Variants in PTH2R observed in about 807,000 individuals in gnomAD.
PTH2R encodes the protein PTH2 receptor.
PTH2R carries 59 observed loss-of-function variants against 60.3 expected under a neutral mutation model. The observed-to-expected ratio is 0.98, with a 90% CI of 0.79 to 1.22. The LOEUF (loss-of-function observed/expected upper bound fraction) is 1.22, where lower values mean the gene tolerates loss of function less well. Ranked by LOEUF, PTH2R falls within the 50% of genes most tolerant of loss-of-function variation. The probability of loss-of-function intolerance (pLI) is 0.00; values close to 1 mark genes in which losing one functional copy is unlikely to be tolerated. For synonymous variants in PTH2R, 256 were observed against 243.8 expected (o/e 1.05, Z -0.47); for missense variants, 749 against 682.6 (o/e 1.10, Z -1.08).
intron 1 of PTH2R, among the ~76,000 whole-genome samples, chr2:208,408,859 T>G (rs1701481430): frequency 6.6e-6 from 1 of 152,126 alleles, no homozygotes; most frequent in African/African-American, 2.4e-5. Context: ...TTCTATAACT[T>G]TAAACCAGGA....
intron 7 of PTH2R, among the ~76,000 whole-genome samples, chr2:208,448,425 C>A (rs181812111): frequency 6.6e-6 from 1 of 151,334 alleles, no homozygotes; most frequent in African/African-American, 2.4e-5. Context: ...CTGAGGTGGG[C>A]GGATCATGAG....
rs1331436029 is a variant in PTH2R at position 208,443,882 on chromosome 2, A to G, written c.699+345A>G. On this transcript the variant is annotated intron_variant, in intron 6 of 12. Transcript: ENST00000272847. The stretch of plus-strand genomic sequence containing the variant: ...CCATCAGCAAAACCAGAAGCTTGCA[A>G]TTTAAAAGCCCATGATATTTAGTCC... Among the ~76,000 whole-genome samples the G allele has an allele frequency of 5.3e-5, 8 of 152,332 alleles. No homozygotes were observed. In the East Asian group the frequency reaches 1.5e-3, roughly 29 times the overall value.
chr2:208,362,879 A>G (rs1014266845), intron 1 of PTH2R, among the ~76,000 whole-genome samples: 2 of 151,754 alleles, frequency 1.3e-5, no homozygotes, highest in Non-Finnish European at 2.9e-5. Context: ...GGCTGTCCTA[A>G]TGGGTGTGAG....
At chr2:208,420,191 C>T (rs940869712) in intron 1 of PTH2R, among the ~76,000 whole-genome samples, 8 of 151,258 alleles carry the variant, frequency 5.3e-5, no homozygotes, top group Non-Finnish European at 8.8e-5. Flanking sequence ...TGCTAAATGA[C>T]GAGTTAATGG....
intron 1 of PTH2R, among the ~76,000 whole-genome samples, chr2:208,412,803 A>G (rs953751385): frequency 1.3e-5 from 2 of 152,204 alleles, no homozygotes; most frequent in African/African-American, 4.8e-5. Flanking sequence ...TGTTTTTACT[A>G]TATACATATA....
At chr2:208,389,832 T>C (rs1701074035) in intron 1 of PTH2R, among the ~76,000 whole-genome samples, 1 of 152,202 alleles carries the variant, frequency 6.6e-6, no homozygotes, top group South Asian at 2.1e-4. Flanking sequence ...GTTTGTTTTC[T>C]AAACTACTGT....
chr2:208,367,836 C>T (rs1700622505), intron 1 of PTH2R, among the ~76,000 whole-genome samples: 1 of 152,184 alleles, frequency 6.6e-6, no homozygotes, highest in Non-Finnish European at 1.5e-5. Flanking sequence ...GCAACCAAAG[C>T]AAACAGGGTG....
intron 1 of PTH2R, among the ~76,000 whole-genome samples, chr2:208,423,040 C>A (rs534488205): frequency 1.1e-3 from 167 of 152,138 alleles, no homozygotes; most frequent in African/African-American, 2.9e-3. Context: ...AAATCACCAG[C>A]TCTTTGTTTC....
chr2:208,410,782 C>G (rs1475742156), intron 1 of PTH2R, among the ~76,000 whole-genome samples: 1 of 150,356 alleles, frequency 6.7e-6, no homozygotes, highest in Non-Finnish European at 1.5e-5. Context: ...GTGTGTGTGT[C>G]TTACATAAAT....
intron 5 of PTH2R, among the ~76,000 whole-genome samples, chr2:208,442,933 C>A (rs1264366130): frequency 6.6e-6 from 1 of 152,030 alleles, no homozygotes; most frequent in Non-Finnish European, 1.5e-5. Flanking sequence ...ATTCAGTCAC[C>A]CTTCATATAC....
At chr2:208,444,993 CT>C in intron 7 of PTH2R, 106 bp downstream of exon 7, 1 of 1,169,934 alleles carries the variant, frequency 8.5e-7, no homozygotes, top group Admixed American at 2.6e-5. Context: ...GAAACAATCC[CT>C]CCCATTCTTA....
At chr2:208,470,882 T>G (rs1324502458) in intron 9 of PTH2R, among the ~76,000 whole-genome samples, 1 of 152,170 alleles carries the variant, frequency 6.6e-6, no homozygotes, top group African/African-American at 2.4e-5. Context: ...ACCAAAATGC[T>G]GATAATGGTG....
chr2:208,408,733 AG>A (rs1701473723), intron 1 of PTH2R, among the ~76,000 whole-genome samples: 1 of 55,756 alleles, frequency 1.8e-5, no homozygotes, highest in East Asian at 6.6e-4. Context: ...AGAGAGAGAG[AG>A]AGAGAAAGAG....
intron 8 of PTH2R, among the ~76,000 whole-genome samples, 159 bp downstream of exon 8, chr2:208,450,968 C>T (rs1446453476): frequency 1.3e-5 from 2 of 152,086 alleles, no homozygotes; most frequent in Admixed American, 6.6e-5. Flanking sequence ...CAACACATTA[C>T]CAGCAAGCTG....
At chr2:208,473,158 C>T (rs925998948) in intron 9 of PTH2R, among the ~76,000 whole-genome samples, 13 of 152,110 alleles carry the variant, frequency 8.5e-5, no homozygotes, top group African/African-American at 2.9e-4. Flanking sequence ...TTATTTTGGT[C>T]CTGGTCTTGA....
At chr2:208,436,547 G>T (rs899613619) in intron 2 of PTH2R, among the ~76,000 whole-genome samples, 1 of 152,174 alleles carries the variant, frequency 6.6e-6, no homozygotes, top group Non-Finnish European at 1.5e-5. Context: ...AACAACAGAA[G>T]CCTAGGAGTC....
At chr2:208,421,186 T>C (rs1388870371) in intron 1 of PTH2R, among the ~76,000 whole-genome samples, 2 of 152,182 alleles carry the variant, frequency 1.3e-5, no homozygotes, top group African/African-American at 2.4e-5. Flanking sequence ...ATACCACAGA[T>C]AGATACAAGT....
At position 208,493,523 on chromosome 2, in the gene PTH2R, C is replaced by T. The variant is rs564267209; in HGVS notation, c.1517C>T (p.Pro506Leu). ...AGTAACTCAGAGCAGGACTGCCTGCCACACTCTTTCCACGAGGAGACCAAG... is the reference window on the plus strand; with the variant it reads ...AGTAACTCAGAGCAGGACTGCCTGCTACACTCTTTCCACGAGGAGACCAAG... ...VWSNSEQDCL[P>L]HSFHEETKED... The change falls in exon 13 of 13, where the codon CCA (proline) becomes CTA (leucine). Residue 506 changes from proline (P) to leucine (L), a missense_variant. By Grantham distance (98) the Pro-to-Leu change is moderately conservative (BLOSUM62 -3). Transcript: ENST00000272847. The T allele has an allele frequency of 7.4e-6, 12 of 1,613,902 alleles. No individual in the cohort carries two copies. The East Asian group carries it at 1.1e-4, about 15-fold the overall frequency.
At chr2:208,433,151 A>G (rs1442420809) in intron 2 of PTH2R, among the ~76,000 whole-genome samples, 2 of 152,250 alleles carry the variant, frequency 1.3e-5, no homozygotes, top group Non-Finnish European at 2.9e-5. Flanking sequence ...AACTGGTAGT[A>G]AACTTAGGTC....
Sources: allele counts gnomAD v4.1 joint callset (sites outside exome capture counted in the v4.1 genomes callset), GRCh38; gene constraint gnomAD v4.1.1; transcripts MANE v1.5; gene names NCBI Gene and HGNC (gene_info 2026-07-23, HGNC 2026-07-21).